Variants in GNB1 observed in about 807,000 individuals in gnomAD.
The protein encoded by GNB1 is G protein subunit beta 1.
Under a neutral mutation model 42.9 loss-of-function variants are expected in GNB1, and 2 were observed. The ratio of observed to expected loss-of-function variants is 0.05; its 90% confidence interval spans 0.02 to 0.15. GNB1 has a LOEUF of 0.15. Ranked by LOEUF, GNB1 falls within the 10% of genes least tolerant of loss-of-function variation. The pLI is 1.00. For missense variants in GNB1, 193 were observed against 462.2 expected (o/e 0.42, Z 5.34); for synonymous variants, 183 against 174.7 (o/e 1.05, Z -0.38).
At chr1:1,836,454 T>C (rs1306167237) in intron 2 of GNB1, among the ~76,000 whole-genome samples, 1 of 148,470 alleles carries the variant, frequency 6.7e-6, no homozygotes, top group Non-Finnish European at 1.5e-5. Context: ...TACAGTGGTG[T>C]GATCGTGACT....
intron 1 of GNB1, among the ~76,000 whole-genome samples, chr1:1,873,176 A>T (rs1649343906): frequency 6.6e-6 from 1 of 152,132 alleles, no homozygotes; most frequent in South Asian, 2.1e-4. Flanking sequence ...CTGGGATTAC[A>T]GGCATGAGGC....
chr1:1,806,374 C>G (rs1646695095), intron 6 of GNB1, 101 bp downstream of exon 6: 1 of 702,802 alleles, frequency 1.4e-6, no homozygotes, highest in African/African-American at 1.8e-5. Flanking sequence ...CCGCTGCTGC[C>G]TTCCCTATCC....
At chr1:1,882,487 C>T (rs1367867986) in intron 1 of GNB1, among the ~76,000 whole-genome samples, 2 of 145,740 alleles carry the variant, frequency 1.4e-5, no homozygotes, top group Middle Eastern at 3.7e-3. Context: ...TTAAACAAAT[C>T]ACCATTACAG....
At chr1:1,788,920 CTG>C (rs1373320675) in intron 10 of GNB1, 131 bp downstream of exon 10, 3 of 671,964 alleles carry the variant, frequency 4.5e-6, no homozygotes, top group Non-Finnish European at 7.8e-6. Context: ...CAGTTTGCGA[CTG>C]TCACTCCTGC....
chr1:1,884,328 C>T (rs1304391021), intron 1 of GNB1, among the ~76,000 whole-genome samples: 3 of 152,138 alleles, frequency 2.0e-5, no homozygotes, highest in South Asian at 4.2e-4. Flanking sequence ...CCACCCTCCT[C>T]GGCCTCCCAA....
chr1:1,819,888 C>T (rs1166468475), intron 3 of GNB1, among the ~76,000 whole-genome samples: 6 of 152,130 alleles, frequency 3.9e-5, no homozygotes, highest in African/African-American at 1.4e-4. Context: ...GTCATCTGAC[C>T]ATCTACTTTC....
At chr1:1,822,286 C>G (rs1369275913) in intron 3 of GNB1, among the ~76,000 whole-genome samples, 1 of 149,554 alleles carries the variant, frequency 6.7e-6, no homozygotes, top group South Asian at 2.1e-4. Flanking sequence ...GGTGCCTGGC[C>G]GTCTCTCTTT....
At chr1:1,828,352 AG>A (rs1334076066) in intron 2 of GNB1, among the ~76,000 whole-genome samples, 1 of 151,994 alleles carries the variant, frequency 6.6e-6, no homozygotes, top group Non-Finnish European at 1.5e-5. Flanking sequence ...TTGTGGCTGG[AG>A]GGTGGTGGGT....
intron 1 of GNB1, among the ~76,000 whole-genome samples, chr1:1,886,563 G>A (rs964735909): frequency 2.6e-5 from 4 of 152,072 alleles, no homozygotes; most frequent in African/African-American, 4.8e-5. Flanking sequence ...ATAAATTTCT[G>A]ATAGTTTCCA....
chr1:1,811,660 C>T (rs1333156296), intron 5 of GNB1, among the ~76,000 whole-genome samples: 2 of 151,502 alleles, frequency 1.3e-5, no homozygotes, highest in Non-Finnish European at 2.9e-5. Context: ...AGCACCATTG[C>T]ACTCTAGCCT....
intron 1 of GNB1, among the ~76,000 whole-genome samples, chr1:1,879,787 CT>C (rs1243864827): frequency 5.3e-5 from 8 of 152,052 alleles, no homozygotes; most frequent in Non-Finnish European, 1.0e-4. Context: ...TTACATTTAC[CT>C]TGTCTGCCTC....
At chr1:1,876,268 A>G (rs536025950) in intron 1 of GNB1, among the ~76,000 whole-genome samples, 2 of 152,238 alleles carry the variant, frequency 1.3e-5, no homozygotes, top group East Asian at 3.9e-4. Context: ...CCAGAACCAC[A>G]AGGGTAGAAA....
chr1:1,876,505 G>GAGAGAC (rs1368608986), intron 1 of GNB1, among the ~76,000 whole-genome samples: 1 of 151,830 alleles, frequency 6.6e-6, no homozygotes, highest in African/African-American at 2.4e-5. Flanking sequence ...GAGAGAGAGA[G>GAGAGAC]AGAGAGAGAG....
At chr1:1,804,738 G>C (rs1166315856) in intron 6 of GNB1, among the ~76,000 whole-genome samples, 157 bp from the exon 7 acceptor site, 1 of 152,206 alleles carries the variant, frequency 6.6e-6, no homozygotes, top group Non-Finnish European at 1.5e-5. Context: ...TGGCCACTCA[G>C]GTGAAGCATA....
At chr1:1,855,847 T>TA (rs1247493165) in intron 1 of GNB1, among the ~76,000 whole-genome samples, 1 of 152,162 alleles carries the variant, frequency 6.6e-6, no homozygotes, top group Admixed American at 6.5e-5. Context: ...GAGGAGGCAA[T>TA]AGTGTCTACA....
chr1:1,884,329 G>A (rs1017421928), intron 1 of GNB1, among the ~76,000 whole-genome samples: 7 of 151,874 alleles, frequency 4.6e-5, no homozygotes, highest in Non-Finnish European at 8.8e-5. Flanking sequence ...CACCCTCCTC[G>A]GCCTCCCAAA....
intron 1 of GNB1, among the ~76,000 whole-genome samples, chr1:1,889,479 T>G (rs1650347283): frequency 6.6e-6 from 1 of 152,170 alleles, no homozygotes; most frequent in Non-Finnish European, 1.5e-5. Context: ...CATCGGCGTT[T>G]TCCTTCAGGA....
intron 1 of GNB1, among the ~76,000 whole-genome samples, chr1:1,851,478 G>A (rs1266112436): frequency 6.6e-6 from 1 of 151,564 alleles, no homozygotes; most frequent in Non-Finnish European, 1.5e-5. Context: ...CTACTCAGGA[G>A]GCTGAGGCAG....
intron 1 of GNB1, among the ~76,000 whole-genome samples, chr1:1,879,708 GAAAAA>G (rs574427054): frequency 8.4e-6 from 1 of 118,502 alleles, no homozygotes; most frequent in African/African-American, 3.1e-5. Flanking sequence ...CTGTCTCAGG[GAAAAA>G]AAAAAAAAAA....
Sources: allele counts gnomAD v4.1 joint callset (sites outside exome capture counted in the v4.1 genomes callset), GRCh38; gene constraint gnomAD v4.1.1; transcripts MANE v1.5; gene names NCBI Gene and HGNC (gene_info 2026-07-23, HGNC 2026-07-21).